The following ANKS1B variants were observed in gnomAD, a reference collection of about 807,000 sequenced individuals.
The protein encoded by ANKS1B is ankyrin repeat and sterile alpha motif domain-containing protein 1B.
In ANKS1B, 36 loss-of-function variants were observed where a neutral mutation model predicts 148.3. That is an observed-to-expected ratio of 0.24 (90% CI 0.19 to 0.32). The LOEUF is 0.32. ANKS1B is among the 10% of genes least tolerant of loss of function. ANKS1B has a pLI of 1.00. For missense variants in ANKS1B, 1,157 were observed against 1,542.6 expected (o/e 0.75, Z 4.19); for synonymous variants, 542 against 560.8 (o/e 0.97, Z 0.47).
chr12:99,288,977 A>G (rs2079526987), intron 12 of ANKS1B, among the ~76,000 whole-genome samples: 1 of 152,034 alleles, frequency 6.6e-6, no homozygotes, highest in African/African-American at 2.4e-5. Context: ...ATGGATGAAA[A>G]AGCAAGACCC....
intron 1 of ANKS1B, among the ~76,000 whole-genome samples, chr12:99,915,225 CAAA>C (rs34176071): frequency 6.9e-5 from 7 of 101,642 alleles, no homozygotes; most frequent in Admixed American, 1.2e-4. Flanking sequence ...AAAGCTGTCT[CAAA>C]AAAAAAAAAA....
rs1370799110 is a variant in ANKS1B, at chr12:99,369,990, GT to G, written c.1756+29640del. Among the ~76,000 whole-genome samples the G allele has an allele frequency of 1.2e-4, 19 of 152,134 alleles. No individual in the cohort carries two copies. The South Asian group carries it at 1.7e-3, about 13-fold the overall frequency. The stretch of plus-strand genomic sequence containing the variant: ...TCAACTTGACTGTTTGAAAATTTTA[GT>G]TAAAAAATGTGGTGAAGAACATTGT... On this transcript the variant is annotated intron_variant, in intron 12 of 26. Transcript: ENST00000683438.
chr12:99,140,361 G>A (rs2070238102), intron 15 of ANKS1B, among the ~76,000 whole-genome samples: 1 of 152,152 alleles, frequency 6.6e-6, no homozygotes, highest in African/African-American at 2.4e-5. Flanking sequence ...GCTGAGCTAG[G>A]TGGTTTATGG....
At chr12:99,673,578 C>G (rs1179219381) in intron 8 of ANKS1B, among the ~76,000 whole-genome samples, 1 of 151,888 alleles carries the variant, frequency 6.6e-6, no homozygotes, top group African/African-American at 2.4e-5. Context: ...AAGGTTATAA[C>G]TCAAGAATTT....
At chr12:98,898,252 G>T (rs890967639) in intron 17 of ANKS1B, among the ~76,000 whole-genome samples, 3 of 152,098 alleles carry the variant, frequency 2.0e-5, no homozygotes, top group African/African-American at 7.2e-5. Context: ...TTACAGTCTG[G>T]AAATTAACTT....
At chr12:99,980,561 TCTA>T (rs1268229493) in intron 1 of ANKS1B, among the ~76,000 whole-genome samples, 2 of 152,050 alleles carry the variant, frequency 1.3e-5, no homozygotes, top group Admixed American at 6.5e-5. Context: ...TCAAGGGACA[TCTA>T]CTGCATTTTG....
intron 26 of ANKS1B, among the ~76,000 whole-genome samples, chr12:98,750,794 G>A: frequency 6.6e-6 from 1 of 152,238 alleles, no homozygotes; most frequent in East Asian, 1.9e-4. Context: ...GGCAGATGCT[G>A]AGAAGGAGGG....
intron 14 of ANKS1B, among the ~76,000 whole-genome samples, chr12:99,233,036 C>G (rs573794465): frequency 6.6e-6 from 1 of 151,908 alleles, no homozygotes; most frequent in East Asian, 1.9e-4. Context: ...AGTCAAAATA[C>G]AGTCAAAATT....
chr12:99,391,673 GCTAA>G (rs2094076377), intron 12 of ANKS1B, among the ~76,000 whole-genome samples: 1 of 152,176 alleles, frequency 6.6e-6, no homozygotes, highest in South Asian at 2.1e-4. Context: ...CCATGCACTA[GCTAA>G]CTAACATCAC....
chr12:99,600,580 A>AT (rs1302570402), intron 9 of ANKS1B, among the ~76,000 whole-genome samples: 1 of 152,036 alleles, frequency 6.6e-6, no homozygotes, highest in Non-Finnish European at 1.5e-5. Context: ...ATCACTATTC[A>AT]TAGACATGTC....
chr12:99,622,266 A>G (rs1015229386), intron 9 of ANKS1B, among the ~76,000 whole-genome samples: 1 of 152,046 alleles, frequency 6.6e-6, no homozygotes, highest in Non-Finnish European at 1.5e-5. Flanking sequence ...AGTTTATAGC[A>G]CTAATTGCCT....
Position 99,316,976 on chromosome 12 carries a change from T to A in ANKS1B, c.1757-70112A>T, listed in dbSNP as rs141179418. Among the ~76,000 whole-genome samples the A allele has an allele frequency of 0.031, 4,698 of 152,250 alleles. 410 individuals are homozygous for A. The East Asian group carries it at 0.34, about 11-fold the overall frequency. ...GTCAGGTTTGTGAAAGATCAGATGG[T>A]TGTAGATGTGTGGTGTTATTTCTGA... is the stretch of plus-strand genomic sequence containing the variant. On this transcript the variant is annotated intron_variant, in intron 12 of 26. Coordinates refer to ENST00000683438, the MANE Select transcript of ANKS1B (RefSeq NM_001352186.2).
rs77843761 is a variant in ANKS1B at position 99,170,298 on chromosome 12, G to A, written c.2420-15903C>T. Among the ~76,000 whole-genome samples the A allele has an allele frequency of 7.9e-3, 1,199 of 152,222 alleles. 15 individuals are homozygous for A. The highest frequency in any genetic ancestry group is 0.028 in the African/African-American group (1,163 of 41,508). ...TGAGATGGGGGACAGTGTGGAGGTC[G>A]GTAGCCCAGACTCTCGAGCCAGACT... On this transcript the variant is annotated intron_variant, in intron 14 of 26. Transcript: ENST00000683438.
intron 17 of ANKS1B, among the ~76,000 whole-genome samples, chr12:98,891,907 A>G (rs570958797): frequency 5.3e-5 from 8 of 152,344 alleles, no homozygotes; most frequent in African/African-American, 1.7e-4. Flanking sequence ...GGAAGATGTT[A>G]TAGTTTGATT....
chr12:98,907,948 C>T (rs544769100), intron 17 of ANKS1B, among the ~76,000 whole-genome samples: 6 of 152,316 alleles, frequency 3.9e-5, no homozygotes, highest in African/African-American at 7.2e-5. Flanking sequence ...GAGGCCTCCC[C>T]AGCCACATGG....
intron 10 of ANKS1B, among the ~76,000 whole-genome samples, chr12:99,448,296 G>T (rs1480886777): frequency 2.0e-5 from 3 of 152,126 alleles, no homozygotes; most frequent in Admixed American, 2.0e-4. Context: ...TCCGTTATCA[G>T]TATAGATGAA....
At chr12:99,462,048 C>G (rs1052948253) in intron 10 of ANKS1B, among the ~76,000 whole-genome samples, 3 of 152,182 alleles carry the variant, frequency 2.0e-5, no homozygotes, top group African/African-American at 7.2e-5. Context: ...CACTTAACAA[C>G]TCTCTTGCCA....
intron 17 of ANKS1B, among the ~76,000 whole-genome samples, chr12:98,872,805 A>G (rs1028155972): frequency 1.3e-5 from 2 of 152,114 alleles, no homozygotes; most frequent in African/African-American, 4.8e-5. Context: ...GAACTGTGAG[A>G]CAATAAATTA....
At chr12:98,940,523 C>T (rs2099835062) in intron 17 of ANKS1B, among the ~76,000 whole-genome samples, 1 of 152,108 alleles carries the variant, frequency 6.6e-6, no homozygotes, top group Non-Finnish European at 1.5e-5. Context: ...CTTCCACGGG[C>T]TTTTTGTAGC....
Sources: allele counts gnomAD v4.1 joint callset (sites outside exome capture counted in the v4.1 genomes callset), GRCh38; gene constraint gnomAD v4.1.1; transcripts MANE v1.5; gene names NCBI Gene and HGNC (gene_info 2026-07-23, HGNC 2026-07-21).